KIF24: variants seen among roughly 807,000 people sequenced by gnomAD.
KIF24 encodes kinesin-like protein KIF24.
Under a neutral mutation model 118.9 loss-of-function variants are expected in KIF24, and 81 were observed. The ratio of observed to expected loss-of-function variants is 0.68; its 90% CI spans 0.57 to 0.82. The LOEUF (loss-of-function observed/expected upper bound fraction) is 0.82, where lower values mean the gene tolerates loss of function less well. Among genes scored for constraint, KIF24 ranks in the 40% least tolerant of loss-of-function variants. The probability of loss-of-function intolerance (pLI) is 0.00; values close to 1 mark genes in which losing one functional copy is unlikely to be tolerated. For missense variants in KIF24, 1,560 were observed against 1,661.6 expected (o/e 0.94, Z 1.06); for synonymous variants, 599 against 610.0 (o/e 0.98, Z 0.27).
In KIF24 at chr9:34,263,722, A is replaced by G. The variant is rs957931483; in HGVS notation, c.1444-550T>C. 1.1e-3 allele frequency among the ~76,000 whole-genome samples: 165 copies of G among 145,670 alleles called. 1 individual carries two copies. The highest frequency in any genetic ancestry group is 4.1e-3 in the African/African-American group (164 of 40,020). On this transcript the variant is annotated intron_variant, in intron 8 of 12. Transcript: ENST00000402558. ...TCACCTAGGCCTACCCCCTCGTTTT[A>G]TTTATTTTTTTCTTAATTTTTTTTT... is the stretch of plus-strand genomic sequence containing the variant.
chr9:34,263,444 C>T (rs187269947), intron 8 of KIF24, among the ~76,000 whole-genome samples: 7 of 152,256 alleles, frequency 4.6e-5, no homozygotes, highest in Non-Finnish European at 7.4e-5. Context: ...AACAGACAGA[C>T]GCTGGGACCT....
At chr9:34,299,933 C>T (rs1836635907) in intron 3 of KIF24, among the ~76,000 whole-genome samples, 1 of 151,578 alleles carries the variant, frequency 6.6e-6, no homozygotes, top group Non-Finnish European at 1.5e-5. Flanking sequence ...GTCCATACAC[C>T]ATGAATGACA....
intron 3 of KIF24, among the ~76,000 whole-genome samples, chr9:34,298,763 A>G (rs184767387): frequency 2.6e-5 from 4 of 152,244 alleles, no homozygotes; most frequent in African/African-American, 9.6e-5. Flanking sequence ...GAGAACAGAG[A>G]CACTAGTAAT....
intron 5 of KIF24, among the ~76,000 whole-genome samples, chr9:34,288,532 T>C (rs1166364785): frequency 6.6e-6 from 1 of 150,472 alleles, no homozygotes; most frequent in Non-Finnish European, 1.5e-5. Context: ...CATAACAGCA[T>C]AAACAGGAAA....
At chr9:34,294,995 T>C (rs1316510181) in intron 4 of KIF24, among the ~76,000 whole-genome samples, 1 of 152,214 alleles carries the variant, frequency 6.6e-6, no homozygotes, top group Non-Finnish European at 1.5e-5. Context: ...GTGCATCTTA[T>C]TGTATGTAAA....
At chr9:34,290,629 TCTCA>T (rs1414498193) in intron 4 of KIF24, among the ~76,000 whole-genome samples, 3 of 148,820 alleles carry the variant, frequency 2.0e-5, no homozygotes, top group East Asian at 4.0e-4. Context: ...TGAAATGGAG[TCTCA>T]CTGTCAACCA....
At chr9:34,313,553 C>T (rs1243035051) in intron 1 of KIF24, among the ~76,000 whole-genome samples, 4 of 151,032 alleles carry the variant, frequency 2.6e-5, no homozygotes, top group Non-Finnish European at 5.9e-5. Context: ...CACAAGTGAT[C>T]CTCTCATCTC....
chr9:34,274,839 G>C (rs899417269), intron 6 of KIF24, among the ~76,000 whole-genome samples: 1 of 122,394 alleles, frequency 8.2e-6, no homozygotes, highest in African/African-American at 3.0e-5. Flanking sequence ...CCTGTCATTT[G>C]CAACAACATG....
intron 4 of KIF24, among the ~76,000 whole-genome samples, chr9:34,293,303 G>T (rs1836324896): frequency 6.6e-6 from 1 of 150,960 alleles, no homozygotes; most frequent in South Asian, 2.1e-4. Context: ...AACATGGCAA[G>T]ACCCCATCTC....
At chr9:34,271,281 C>T (rs867470532) in intron 7 of KIF24, among the ~76,000 whole-genome samples, 1 of 146,660 alleles carries the variant, frequency 6.8e-6, no homozygotes, top group East Asian at 2.0e-4. Context: ...ACTTAAGTAA[C>T]CACTTAGGTA....
intron 3 of KIF24, among the ~76,000 whole-genome samples, chr9:34,297,376 GA>G (rs1368310944): frequency 6.6e-6 from 1 of 152,180 alleles, no homozygotes; most frequent in African/African-American, 2.4e-5. Context: ...ATAAACACAA[GA>G]GTGAGTCAAT....
At chr9:34,325,697 A>T (rs181659571) in intron 1 of KIF24, among the ~76,000 whole-genome samples, 11 of 152,308 alleles carry the variant, frequency 7.2e-5, no homozygotes, top group Non-Finnish European at 1.3e-4. Context: ...CTCAGAAAAA[A>T]ATATAAATAA....
At chr9:34,270,543 A>G (rs556804933) in intron 7 of KIF24, among the ~76,000 whole-genome samples, 1 of 151,084 alleles carries the variant, frequency 6.6e-6, no homozygotes, top group African/African-American at 2.4e-5. Flanking sequence ...AAAAGAAAAA[A>G]AATTGTAAAA....
upstream of KIF24, among the ~76,000 whole-genome samples, chr9:34,332,397 T>C (rs916336135): frequency 2.6e-5 from 4 of 152,226 alleles, no homozygotes; most frequent in African/African-American, 9.6e-5. Flanking sequence ...GTAACTTGTC[T>C]GTTGGAATGT....
At chr9:34,323,193 T>C (rs1039828486) in intron 1 of KIF24, among the ~76,000 whole-genome samples, 10 of 152,216 alleles carry the variant, frequency 6.6e-5, no homozygotes, top group African/African-American at 2.4e-4. Flanking sequence ...TTTGGGGATA[T>C]AAATCATGTA....
intron 3 of KIF24, among the ~76,000 whole-genome samples, chr9:34,302,942 AT>A (rs1223643111): frequency 4.0e-5 from 6 of 151,224 alleles, no homozygotes; most frequent in Admixed American, 4.0e-4. Context: ...CGTCTGGCTA[AT>A]TTTTTGTATT....
intron 6 of KIF24, among the ~76,000 whole-genome samples, chr9:34,284,171 G>T (rs1043330529): frequency 6.6e-6 from 1 of 152,142 alleles, no homozygotes; most frequent in Non-Finnish European, 1.5e-5. Context: ...GGGAAGCTGA[G>T]GTAGGAGGAT....
intron 1 of KIF24, among the ~76,000 whole-genome samples, chr9:34,316,381 G>A (rs1003548520): frequency 1.3e-5 from 2 of 151,264 alleles, no homozygotes; most frequent in Non-Finnish European, 1.5e-5. Flanking sequence ...TTTGCCCAAG[G>A]CAACGAAGTG....
intron 6 of KIF24, among the ~76,000 whole-genome samples, chr9:34,276,783 A>T (rs1443508079): frequency 3.9e-5 from 6 of 152,258 alleles, no homozygotes; most frequent in Non-Finnish European, 8.8e-5. Flanking sequence ...TTATAAAGCT[A>T]GATCATCAAC....
Sources: gnomAD v4.1 joint callset for allele counts (sites outside exome capture counted in the v4.1 genomes callset) on GRCh38, gnomAD v4.1.1 for gene constraint, MANE v1.5 for transcripts, NCBI Gene and HGNC (gene_info 2026-07-23, HGNC 2026-07-21) for gene names.